The following TLL1 variants were observed in gnomAD, a reference collection of about 807,000 sequenced individuals.
TLL1 encodes tolloid like 1.
TLL1 carries 49 observed loss-of-function variants against 128.2 expected under a neutral mutation model. That is an observed-to-expected ratio of 0.38 (90% confidence interval 0.30 to 0.48). The LOEUF is 0.48. Among genes scored for constraint, TLL1 ranks in the 20% least tolerant of loss-of-function variants. The pLI is 0.96. For missense variants in TLL1, 1,123 were observed against 1,242.0 expected (o/e 0.90, Z 1.44); for synonymous variants, 454 against 418.8 (o/e 1.08, Z -1.03).
chr4:165,889,319 A>G (rs549772467), intron 1 of TLL1, among the ~76,000 whole-genome samples: 28 of 152,314 alleles, frequency 1.8e-4, no homozygotes, highest in Admixed American at 7.2e-4. Context: ...TAACATGGGG[A>G]TTTTATAATA....
chr4:165,992,313 A>G (rs1056949937), intron 2 of TLL1, among the ~76,000 whole-genome samples: 4 of 152,094 alleles, frequency 2.6e-5, no homozygotes, highest in African/African-American at 4.8e-5. Flanking sequence ...AAAATGTGAT[A>G]TGCTTTAAAA....
At chr4:166,015,975 C>T (rs1301779536) in intron 8 of TLL1, among the ~76,000 whole-genome samples, 1 of 151,520 alleles carries the variant, frequency 6.6e-6, no homozygotes, top group Non-Finnish European at 1.5e-5. Context: ...CTTTTTGCAT[C>T]ATAATGATTC....
chr4:166,003,128 G>A (rs1048700657), intron 5 of TLL1, among the ~76,000 whole-genome samples: 15 of 152,042 alleles, frequency 9.9e-5, no homozygotes, highest in Non-Finnish European at 1.9e-4. Context: ...ATGTATTTCC[G>A]AATGCTTCTA....
Position 166,100,948 on chromosome 4 carries a change from G to C in TLL1, c.*72G>C. ...AAGACATATTTTTTTTAAAACTGAAGATATTGGCACAAATGTTTTATACAA... is the reference window on the plus strand; with the variant it reads ...AAGACATATTTTTTTTAAAACTGAACATATTGGCACAAATGTTTTATACAA... On this transcript the variant is annotated 3_prime_UTR_variant, in exon 21 of 21. Transcript: ENST00000061240. The C allele has an allele frequency of 6.4e-7, 1 of 1,558,560 alleles. No individual in the cohort carries two copies.
intron 1 of TLL1, among the ~76,000 whole-genome samples, chr4:165,974,133 CT>C (rs199741025): frequency 8.1e-3 from 490 of 60,676 alleles, no homozygotes; most frequent in Non-Finnish European, 9.1e-3. Context: ...TGGACCTCAT[CT>C]TTTTTTTTTT....
chr4:165,936,904 G>A (rs1733789438), intron 1 of TLL1, among the ~76,000 whole-genome samples: 1 of 152,104 alleles, frequency 6.6e-6, no homozygotes, highest in Admixed American at 6.5e-5. Flanking sequence ...CTGCACCCCA[G>A]CCTGAGTGAC....
chr4:165,990,406 T>C (rs1159440128), intron 2 of TLL1, among the ~76,000 whole-genome samples: 1 of 152,030 alleles, frequency 6.6e-6, no homozygotes, highest in Non-Finnish European at 1.5e-5. Flanking sequence ...TGCACATATA[T>C]ATTATGGACT....
intron 1 of TLL1, among the ~76,000 whole-genome samples, chr4:165,986,183 G>A (rs141364020): frequency 1.3e-5 from 2 of 152,030 alleles, no homozygotes; most frequent in African/African-American, 4.8e-5. Context: ...GTGGATTCGA[G>A]AATTTCATAT....
intron 1 of TLL1, among the ~76,000 whole-genome samples, chr4:165,969,637 G>T (rs1300541487): frequency 2.0e-5 from 3 of 151,970 alleles, no homozygotes; most frequent in Non-Finnish European, 4.4e-5. Context: ...TTGGTTGTGG[G>T]GTTTTTTGGT....
chr4:165,967,752 G>T (rs1735455934), intron 1 of TLL1, among the ~76,000 whole-genome samples: 1 of 152,144 alleles, frequency 6.6e-6, no homozygotes. Context: ...TTATAGGGGT[G>T]TGTAAAGGGC....
intron 1 of TLL1, among the ~76,000 whole-genome samples, chr4:165,942,919 A>G (rs769040391): frequency 4.6e-5 from 7 of 152,080 alleles, no homozygotes; most frequent in Admixed American, 1.3e-4. Flanking sequence ...GTCCTGGATC[A>G]TGGGCACCAT....
At chr4:165,959,876 A>G (rs1735009927) in intron 1 of TLL1, among the ~76,000 whole-genome samples, 1 of 152,142 alleles carries the variant, frequency 6.6e-6, no homozygotes, top group African/African-American at 2.4e-5. Context: ...CTAAACACCT[A>G]CCTCAAGAAA....
intron 15 of TLL1, 21 bp from the exon 16 acceptor site, chr4:166,065,662 G>C (rs777546084): frequency 2.5e-6 from 4 of 1,612,070 alleles, no homozygotes; most frequent in Non-Finnish European, 3.4e-6. Context: ...TCTGGCAACT[G>C]ATAACCACAT....
At chr4:165,986,097 C>A (rs1454443163) in intron 1 of TLL1, among the ~76,000 whole-genome samples, 1 of 151,814 alleles carries the variant, frequency 6.6e-6, no homozygotes, top group Non-Finnish European at 1.5e-5. Flanking sequence ...TACTTTAAGA[C>A]TGTTTATCTC....
chr4:165,958,788 T>C (rs1273824161), intron 1 of TLL1, among the ~76,000 whole-genome samples: 2 of 149,046 alleles, frequency 1.3e-5, no homozygotes, highest in African/African-American at 2.5e-5. Flanking sequence ...TCCTTGCCCA[T>C]GCCTATGTCC....
rs1579747137 is a variant in TLL1 at position 166,101,535 on chromosome 4, A to G, written c.*659A>G. 1 of 152,342 alleles carries G rather than the reference A, an allele frequency of 6.6e-6. No individual in the cohort carries two copies. Among genetic ancestry groups the G allele is most frequent in the Non-Finnish European group, 1.5e-5 (1 of 68,146 alleles). 9.4% of individuals were successfully genotyped at this position (152,342 alleles called of 1,614,324 possible). A position where few individuals can be genotyped will look rare whatever the true frequency, so the allele number is the denominator to read the frequency against. ...ACATTTAGATGAGTTTGAAATCTCA[A>G]TGGTGTCTAATTATTGCAGTTAAAT... On this transcript the variant is annotated 3_prime_UTR_variant, in exon 21 of 21. Coordinates refer to ENST00000061240, the MANE Select transcript of TLL1 (RefSeq NM_012464.5).
At chr4:165,907,209 A>C (rs961090810) in intron 1 of TLL1, among the ~76,000 whole-genome samples, 1 of 152,184 alleles carries the variant, frequency 6.6e-6, no homozygotes, top group Non-Finnish European at 1.5e-5. Flanking sequence ...AGAGTATGTC[A>C]TAGTAATGTT....
intron 1 of TLL1, among the ~76,000 whole-genome samples, chr4:165,935,403 A>C (rs1733718186): frequency 6.6e-6 from 1 of 152,224 alleles, no homozygotes; most frequent in African/African-American, 2.4e-5. Flanking sequence ...GCAGTATTTA[A>C]ATTTAATGTA....
chr4:166,070,637 G>A (rs1018992731), intron 16 of TLL1, among the ~76,000 whole-genome samples: 8 of 151,842 alleles, frequency 5.3e-5, no homozygotes, highest in African/African-American at 1.4e-4. Flanking sequence ...CTCGTTTTCC[G>A]ACTCCCAGTT....
Sources: allele counts gnomAD v4.1 joint callset (sites outside exome capture counted in the v4.1 genomes callset), GRCh38; gene constraint gnomAD v4.1.1; transcripts MANE v1.5; gene names NCBI Gene and HGNC (gene_info 2026-07-23, HGNC 2026-07-21).